NSD2: variants seen among roughly 807,000 people sequenced by gnomAD.
The protein encoded by NSD2 is nuclear receptor binding SET domain protein 2.
In NSD2, 12 loss-of-function variants were observed where a neutral mutation model predicts 139.0. The ratio of observed to expected loss-of-function variants is 0.09; its 90% confidence interval spans 0.06 to 0.14. NSD2 has a LOEUF of 0.14. Ranked by LOEUF, NSD2 falls within the 10% of genes least tolerant of loss-of-function variation. NSD2 has a pLI of 1.00. For missense variants in NSD2, 1,155 were observed against 1,745.0 expected, an observed-to-expected ratio of 0.66 and a Z score of 6.02; for synonymous variants, 669 against 648.7, an observed-to-expected ratio of 1.03 and a Z score of -0.48.
intron 1 of NSD2, chr4:1,887,629 G>A (rs1715217151): frequency 6.6e-6 from 1 of 152,426 alleles, no homozygotes; most frequent in Non-Finnish European, 1.5e-5. Context: ...GTGTGAGCGT[G>A]AGCCACTACA....
chr4:1,975,298 G>T lies in NSD2; in HGVS notation c.3519G>T (p.Thr1173=), dbSNP rs200130380. 4.9e-5 allele frequency: 79 copies of T among 1,614,016 alleles called. No individual in the cohort carries two copies. Among genetic ancestry groups the T allele is most frequent in the Non-Finnish European group, 5.6e-5 (66 of 1,180,012 alleles). Residue 1173 remains threonine (T), a synonymous_variant, in exon 20 of 22, where the codon ACG becomes ACT. Coordinates refer to ENST00000508803, the MANE Select transcript of NSD2 (RefSeq NM_001042424.3). The part of the protein sequence containing the change: ...LFAVCDIPAG[T]ELTFNYNLDC... ...GTCTGTCTCCTCTTCTCCCAGGGAC[G>T]GAGCTGACTTTTAACTACAACCTCG...
chr4:1,915,111 C>CTTTTTTT (rs781255847), intron 3 of NSD2, among the ~76,000 whole-genome samples: 13 of 115,542 alleles, frequency 1.1e-4, no homozygotes, highest in Non-Finnish European at 1.9e-4. Flanking sequence ...CTTTTTTTCT[C>CTTTTTTT]TTTTTTTTTT....
intron 18 of NSD2, among the ~76,000 whole-genome samples, chr4:1,971,569 C>T (rs529911696): frequency 7.2e-5 from 11 of 152,138 alleles, no homozygotes; most frequent in Admixed American, 5.9e-4. Context: ...TCTCTTCTTA[C>T]GAGCCCACAA....
At chr4:1,907,500 C>G (rs1718076515) in intron 3 of NSD2, among the ~76,000 whole-genome samples, 1 of 151,130 alleles carries the variant, frequency 6.6e-6, no homozygotes, top group Non-Finnish European at 1.5e-5. Flanking sequence ...AATATTTGAT[C>G]TATTTTTTTA....
At chr4:1,873,823 TC>T (rs1714051918) in intron 1 of NSD2, among the ~76,000 whole-genome samples, 1 of 152,234 alleles carries the variant, frequency 6.6e-6, no homozygotes, top group South Asian at 2.1e-4. Context: ...GTGCTGAAGT[TC>T]ATAATCCAAA....
At position 1,949,037 on chromosome 4, in the gene NSD2, G is replaced by C. The variant is rs558482202; in HGVS notation, c.1882-2035G>C. On this transcript the variant is annotated intron_variant, in intron 9 of 21. Coordinates refer to ENST00000508803, the MANE Select transcript of NSD2 (RefSeq NM_001042424.3). ...GGCGACTGTGTGGGTGACTCTCTGA[G>C]TGGGGCCCCAGACAGTGTGGCCACT... 1.2e-4 allele frequency among the ~76,000 whole-genome samples: 19 copies of C among 152,330 alleles called. No homozygotes were observed. In the South Asian group the frequency reaches 2.9e-3, roughly 23 times the overall value.
chr4:1,873,354 C>T (rs1255662927), intron 1 of NSD2, among the ~76,000 whole-genome samples: 1 of 152,140 alleles, frequency 6.6e-6, no homozygotes, highest in Non-Finnish European at 1.5e-5. Context: ...GAATGATGGA[C>T]AATTTATCGT....
At chr4:1,970,780 G>A (rs1276486946) in intron 18 of NSD2, among the ~76,000 whole-genome samples, 2 of 152,100 alleles carry the variant, frequency 1.3e-5, no homozygotes, top group East Asian at 1.9e-4. Flanking sequence ...TGTAATGTCC[G>A]GGACATTACA....
chr4:1,969,889 G>C (rs1726266403), intron 18 of NSD2, among the ~76,000 whole-genome samples: 2 of 152,194 alleles, frequency 1.3e-5, no homozygotes, highest in African/African-American at 4.8e-5. Context: ...GGAACTTGTA[G>C]AACTCAGGAG....
chr4:1,879,356 C>G (rs1264553872), intron 1 of NSD2, among the ~76,000 whole-genome samples: 1 of 151,942 alleles, frequency 6.6e-6, no homozygotes, highest in African/African-American at 2.4e-5. Context: ...GTAGCTGGGA[C>G]TACAGGCGCC....
rs756865033 is a variant in NSD2, at chr4:1,955,901, C to G, written c.2675+52C>G. 6.2e-7 allele frequency: 1 copy of G among 1,609,252 alleles called. No homozygotes were observed. Among genetic ancestry groups the G allele is most frequent in the African/African-American group, 1.3e-5 (1 of 74,758 alleles). ...TATGTCTTTTCTGTTCACATGTGTT[C>G]GCTTTACAGTACTTAAAGTATTGAA... On this transcript the variant is annotated intron_variant, in intron 14 of 21. Transcript: ENST00000508803. This position sits in a 1 kb window ranked among gnomAD's most constrained non-coding sequence, Gnocchi z 4.7.
chr4:1,923,877 T>C (rs1218334385), intron 5 of NSD2, among the ~76,000 whole-genome samples: 1 of 152,184 alleles, frequency 6.6e-6, no homozygotes. Context: ...CTGAAGGGTA[T>C]GCAGATTCTA....
chr4:1,948,898 AC>A lies in NSD2; in HGVS notation c.1882-2172del. On this transcript the variant is annotated intron_variant, in intron 9 of 21. Coordinates refer to ENST00000508803, the MANE Select transcript of NSD2 (RefSeq NM_001042424.3). The surrounding 1 kb of genome is among the most constrained non-coding windows in gnomAD (Gnocchi z 4.5). ...TTTTAAAGCTTTTTAAGTTTGTTCC[AC>A]CACGTTAAGGGAAGAGCATGGGTTG... The A allele has an allele frequency of 2.5e-6, 2 of 814,988 alleles. No individual in the cohort carries two copies. The highest frequency in any genetic ancestry group is 1.5e-6 in the Non-Finnish European group (1 of 666,294). The allele number at this position is 814,988 out of a possible 1,614,324, so 50.5% of individuals were successfully genotyped here.
intron 1 of NSD2, 35 bp from the exon 2 acceptor site, chr4:1,900,591 T>C: frequency 7.0e-7 from 1 of 1,423,602 alleles, no homozygotes; most frequent in Non-Finnish European, 9.4e-7. Context: ...ATGTAATTGC[T>C]TTTTCTTTCT....
intron 18 of NSD2, 136 bp downstream of exon 18, chr4:1,961,287 A>G (rs531602860): frequency 1.1e-5 from 8 of 722,464 alleles, no homozygotes; most frequent in South Asian, 4.4e-5. Flanking sequence ...ACATCTGCAC[A>G]TTTTCTTCTG....
Position 1,981,701 on chromosome 4 carries a change from T to C in NSD2, c.*2792T>C. On this transcript the variant is annotated 3_prime_UTR_variant, in exon 22 of 22. Coordinates refer to ENST00000508803, the MANE Select transcript of NSD2 (RefSeq NM_001042424.3). ...CTGGGTCCCCTTCGCAGTGTTTGTC[T>C]GTCTTGACATCTAAACCCCGGCGTG... 1 of 395,734 alleles carries C rather than the reference T, an allele frequency of 2.5e-6. No homozygotes were observed. The highest frequency in any genetic ancestry group is 4.5e-6 in the Non-Finnish European group (1 of 224,702). 24.5% of individuals were successfully genotyped at this position (395,734 alleles called of 1,614,324 possible).
At position 1,883,705 on chromosome 4, in the gene NSD2, C is replaced by T. The variant is rs193002981; in HGVS notation, c.-30+12163C>T. Among the ~76,000 whole-genome samples, 17 of 152,244 alleles carry T rather than the reference C, an allele frequency of 1.1e-4. No individual in the cohort carries two copies. In the East Asian group the frequency reaches 3.1e-3, roughly 28 times the overall value. On this transcript the variant is annotated intron_variant, in intron 1 of 21. Coordinates refer to ENST00000508803, the MANE Select transcript of NSD2 (RefSeq NM_001042424.3). The stretch of plus-strand genomic sequence containing the variant: ...TTGTTTGTTGTCCCCATCTGCTCTC[C>T]CAGCTGTAGTGGAAGCCCCATGAAA...
chr4:1,944,817 T>G (rs1166574793), intron 9 of NSD2: 11 of 1,063,202 alleles, frequency 1.0e-5, no homozygotes, highest in Non-Finnish European at 1.3e-5. Flanking sequence ...CATGCAAAAA[T>G]TAAATGTCTT....
chr4:1,945,231 G>T, intron 9 of NSD2: 2 of 1,066,996 alleles, frequency 1.9e-6, no homozygotes, highest in Non-Finnish European at 2.3e-6. Flanking sequence ...AAGACGGGGT[G>T]GGGTGGGGAG....
Sources: gnomAD v4.1 joint callset for allele counts (sites outside exome capture counted in the v4.1 genomes callset) on GRCh38, gnomAD v4.1.1 for gene constraint, Gnocchi (gnomAD v3.1) non-coding constraint, MANE v1.5 for transcripts, NCBI Gene and HGNC (gene_info 2026-07-23, HGNC 2026-07-21) for gene names.